Variants in DPH2 observed in about 807,000 individuals in gnomAD.
DPH2 encodes diphthamide biosynthesis 2, also known as 2-(3-amino-3-carboxypropyl)histidine synthase subunit 2.
DPH2 carries 28 observed loss-of-function variants against 42.5 expected under a neutral mutation model. That is an observed-to-expected ratio of 0.66 (90% CI 0.49 to 0.90). DPH2 has a LOEUF of 0.90. Ranked by LOEUF, DPH2 falls within the 40% of genes least tolerant of loss-of-function variation. The pLI, the probability that DPH2 is intolerant of heterozygous loss-of-function variation, is 0.00. For synonymous variants in DPH2, 279 were observed against 264.4 expected, an observed-to-expected ratio of 1.06 and a Z score of -0.53; for missense variants, 576 against 636.0, an observed-to-expected ratio of 0.91 and a Z score of 1.01.
chr1:43,972,641 G>C lies in DPH2; in HGVS notation c.*102G>C. 6.6e-7 allele frequency: 1 copy of C among 1,526,580 alleles called. No individual in the cohort carries two copies. The highest frequency in any genetic ancestry group is 8.9e-7 in the Non-Finnish European group (1 of 1,126,002). 94.6% of individuals were successfully genotyped at this position (1,526,580 alleles called of 1,614,324 possible). A position where few individuals can be genotyped will look rare whatever the true frequency, so the allele number is the denominator to read the frequency against. On this transcript the variant is annotated 3_prime_UTR_variant, in exon 6 of 6. Coordinates refer to ENST00000255108, the MANE Select transcript of DPH2 (RefSeq NM_001384.5). ...CATCCCCCTGCCAAGATCCTTGAAG[G>C]ACCCTGGAAGGAGGGAGAGCAGGCA...
Position 43,971,818 on chromosome 1 carries a change from C to G in DPH2, c.916C>G (p.Leu306Val). ...TGAGGCACTGGCCCACTTGCGGAAC[C>G]TGACTCAGGCTGCTGGCAAGCGTAG... ...HREALAHLRN[L>V]TQAAGKRSYV... The change falls in exon 4 of 6, where the codon CTG (leucine) becomes GTG (valine). Residue 306 changes from leucine to valine, a missense_variant. Around this residue, in one of 3 missense-constraint regions of DPH2, gnomAD observed 395 missense variants for 435.2 expected, o/e 0.91. Coordinates refer to ENST00000255108, the MANE Select transcript of DPH2 (RefSeq NM_001384.5). 6.2e-7 allele frequency: 1 copy of G among 1,612,826 alleles called. No individual in the cohort carries two copies. The highest frequency in any genetic ancestry group is 8.5e-7 in the Non-Finnish European group (1 of 1,180,044).
chr1:43,972,560 A>C lies in DPH2; in HGVS notation c.*21A>C. ...GCTGATACCATGTGGGGCTGGAGAC[A>C]TAGATGGACTTATGAATGGCTGCTA... On this transcript the variant is annotated 3_prime_UTR_variant, in exon 6 of 6. Coordinates refer to ENST00000255108, the MANE Select transcript of DPH2 (RefSeq NM_001384.5). 1 of 1,599,386 alleles carries C rather than the reference A, an allele frequency of 6.3e-7. No homozygotes were observed. Among genetic ancestry groups the C allele is most frequent in the Non-Finnish European group, 8.6e-7 (1 of 1,166,802 alleles).
chr1:43,970,579 A>C lies in DPH2; in HGVS notation c.148-17A>C. On this transcript the variant is annotated splice_polypyrimidine_tract_variant and intron_variant, in intron 1 of 5. Transcript: ENST00000255108. ...TGGGAGAGAGGCTGTCCCTGACTCC[A>C]TGGTTTATGCTTATAGGTTGCCTTG... 6.2e-7 allele frequency: 1 copy of C among 1,613,602 alleles called. No individual in the cohort carries two copies. Among genetic ancestry groups the C allele is most frequent in the Non-Finnish European group, 8.5e-7 (1 of 1,179,552 alleles).
intron 2 of DPH2, 76 bp downstream of exon 2, chr1:43,970,784 C>T (rs1557640236): frequency 9.2e-6 from 13 of 1,420,638 alleles, no homozygotes; most frequent in Non-Finnish European, 1.2e-5. Context: ...ACAGTGATTG[C>T]CTTCAATGGT....
At chr1:43,971,270 AT>A in intron 3 of DPH2, 81 bp downstream of exon 3, 3 of 1,529,744 alleles carry the variant, frequency 2.0e-6, no homozygotes, top group Non-Finnish European at 2.7e-6. Context: ...TATACCATCC[AT>A]AGAACTCTTG....
Position 43,971,619 on chromosome 1 carries a change from G to A in DPH2, c.717G>A (p.Leu239=), listed in dbSNP as rs1452143846. 16 of 1,613,982 alleles carry A rather than the reference G, an allele frequency of 9.9e-6. No homozygotes were observed. Among genetic ancestry groups the A allele is most frequent in the Admixed American group, 1.7e-5 (1 of 60,010 alleles). Residue 239 remains leucine (L), a synonymous_variant, in exon 4 of 6, where the codon TTG becomes TTA. Coordinates refer to ENST00000255108, the MANE Select transcript of DPH2 (RefSeq NM_001384.5). ...DLDPDLSRLL[L]GWAPGQPFSS... The stretch of plus-strand genomic sequence containing the variant: ...ACCCAGACCTGAGTCGGCTGCTCTT[G>A]GGGTGGGCACCAGGTCAACCCTTCT...
rs1427824903 is a variant in DPH2, at chr1:43,972,840, G to C, written c.*301G>C. 8.8e-6 allele frequency: 3 copies of C among 341,614 alleles called. No individual in the cohort carries two copies. The highest frequency in any genetic ancestry group is 2.1e-5 in the African/African-American group (1 of 47,276). 21.2% of individuals were successfully genotyped at this position (341,614 alleles called of 1,614,324 possible). A position where few individuals can be genotyped will look rare whatever the true frequency, so the allele number is the denominator to read the frequency against. ...AGCCCAGGACCTTTGGCCAATCCCA[G>C]TTCCCAGGCTGCAGTTGAGGGTCTG... On this transcript the variant is annotated 3_prime_UTR_variant, in exon 6 of 6. Transcript: ENST00000255108.
intron 2 of DPH2, 56 bp from the exon 3 acceptor site, chr1:43,970,910 G>A (rs1389259836): frequency 1.3e-6 from 2 of 1,525,572 alleles, no homozygotes; most frequent in South Asian, 2.4e-5. Context: ...TCCCAGTGAT[G>A]ACAGCAACTC....
chr1:43,971,602 C>A lies in DPH2; in HGVS notation c.700C>A (p.Leu234Met), dbSNP rs1238523014. ...ASPDPDLDPDLSRLLLGWAPG... is the reference protein window; with the variant it reads ...ASPDPDLDPDMSRLLLGWAPG... ...CCCTGACCCAGACCTTGACCCAGAC[C>A]TGAGTCGGCTGCTCTTGGGGTGGGC... Residue 234 changes from leucine to methionine, a missense_variant, in exon 4 of 6, where the codon CTG becomes ATG. Leu to Met is a conservative substitution (Grantham distance 15). Transcript: ENST00000255108. 1 of 1,613,888 alleles carries A rather than the reference C, an allele frequency of 6.2e-7. No homozygotes were observed. The highest frequency in any genetic ancestry group is 8.5e-7 in the Non-Finnish European group (1 of 1,179,856).
At position 43,971,877 on chromosome 1, in the gene DPH2, C is replaced by G; in HGVS notation, c.975C>G (p.Ala325=). 7 of 1,614,210 alleles carry G rather than the reference C, an allele frequency of 4.3e-6. No homozygotes were observed. The highest frequency in any genetic ancestry group is 5.9e-6 in the Non-Finnish European group (7 of 1,180,040). ...YVLALGRPTP[A]KLANFPEVDV... Reference sequence around the variant, plus strand: ...TGGCCCTGGGGCGGCCCACCCCTGCCAAGCTTGCCAACTTCCCTGAGGTGG... The same window carrying G: ...TGGCCCTGGGGCGGCCCACCCCTGCGAAGCTTGCCAACTTCCCTGAGGTGG... The change falls in exon 4 of 6, where the codon GCC becomes GCG. Residue 325 remains alanine, a synonymous_variant. Transcript: ENST00000255108.
rs2085470959 is a variant in DPH2 at position 43,973,127 on chromosome 1, C to T, written c.*588C>T. The T allele has an allele frequency of 6.6e-6, 1 of 152,420 alleles. No individual in the cohort carries two copies. Among genetic ancestry groups the T allele is most frequent in the Non-Finnish European group, 1.5e-5 (1 of 68,198 alleles). 9.4% of individuals were successfully genotyped at this position (152,420 alleles called of 1,614,324 possible). ...AACCACTGGTCTAGCTAGACCTGCA[C>T]TGTCCAGTACAGTAGCCACTAAATA... On this transcript the variant is annotated 3_prime_UTR_variant, in exon 6 of 6. Transcript: ENST00000255108.
In DPH2 at chr1:43,972,224, T is replaced by C. The variant is rs780620085; in HGVS notation, c.1235T>C (p.Leu412Pro). 3 of 1,614,148 alleles carry C rather than the reference T, an allele frequency of 1.9e-6. No homozygotes were observed. Among genetic ancestry groups the C allele is most frequent in the Non-Finnish European group, 2.5e-6 (3 of 1,180,024 alleles). ...SELWETPDVSLITGDLRPPPA... is the reference protein window; with the variant it reads ...SELWETPDVSPITGDLRPPPA... ...CTGTGGGAAACCCCAGACGTGTCAC[T>C]CATTACTGGAGATCTCCGACCCCCA... is the stretch of plus-strand genomic sequence containing the variant. Residue 412 changes from leucine to proline, a missense_variant, in exon 5 of 6, where the codon CTC (leucine) becomes CCC (proline). This residue lies in a region of DPH2 where 178 missense variants were observed against 184.4 expected (regional missense o/e 0.97). Transcript: ENST00000255108.
In DPH2 at chr1:43,972,112, C is replaced by T. The variant is rs750246858; in HGVS notation, c.1168+42C>T. The T allele has an allele frequency of 1.4e-5, 22 of 1,608,762 alleles. No individual in the cohort carries two copies. In the South Asian group the frequency reaches 1.4e-4, roughly 10 times the overall value. ...TTGCCTAAGCTGGAAACCTGGGGCA[C>T]GGAGTCAGGGGGTGAGTATGGATTT... On this transcript the variant is annotated intron_variant, in intron 4 of 5. Coordinates refer to ENST00000255108, the MANE Select transcript of DPH2 (RefSeq NM_001384.5).
intron 2 of DPH2, 122 bp from the exon 3 acceptor site, chr1:43,970,844 T>A (rs186465478): frequency 1.5e-4 from 190 of 1,302,894 alleles, no homozygotes; most frequent in Non-Finnish European, 8.8e-6. Flanking sequence ...TGATGCTAGC[T>A]CCTTTCATTG....
Position 43,971,996 on chromosome 1 carries a change from A to G in DPH2, c.1094A>G (p.Glu365Gly). ...FQPILAPCEL[E>G]AACNPAWPPP... Reference sequence around the variant, plus strand: ...CCTATACTGGCACCATGTGAGCTGGAAGCTGCCTGCAACCCTGCCTGGCCA... The same window carrying G: ...CCTATACTGGCACCATGTGAGCTGGGAGCTGCCTGCAACCCTGCCTGGCCA... The change falls in exon 4 of 6, where the codon GAA becomes GGA. Residue 365 changes from glutamate (E) to glycine (G), a missense_variant. Glu to Gly is a moderately conservative substitution (Grantham distance 98). Coordinates refer to ENST00000255108, the MANE Select transcript of DPH2 (RefSeq NM_001384.5). 1 of 1,614,168 alleles carries G rather than the reference A, an allele frequency of 6.2e-7. No homozygotes were observed. The highest frequency in any genetic ancestry group is 8.5e-7 in the Non-Finnish European group (1 of 1,180,032).
chr1:43,972,714 C>A lies in DPH2; in HGVS notation c.*175C>A. On this transcript the variant is annotated 3_prime_UTR_variant, in exon 6 of 6. Coordinates refer to ENST00000255108, the MANE Select transcript of DPH2 (RefSeq NM_001384.5). ...TCTCTGTCCTGTCCTGGCACTGGCACAAGCTCAGCACATGCCCAGTAATGC... is the reference window on the plus strand; with the variant it reads ...TCTCTGTCCTGTCCTGGCACTGGCAAAAGCTCAGCACATGCCCAGTAATGC... 2 of 860,660 alleles carry A rather than the reference C, an allele frequency of 2.3e-6. No homozygotes were observed. Among genetic ancestry groups the A allele is most frequent in the Non-Finnish European group, 1.8e-6 (1 of 567,920 alleles). The allele number at this position is 860,660 out of a possible 1,614,324, so 53.3% of individuals were successfully genotyped here.
Position 43,971,116 on chromosome 1 carries a change from C to G in DPH2, c.411C>G (p.Ala137=). The change falls in exon 3 of 6, where the codon GCC becomes GCG. Residue 137 remains alanine, a synonymous_variant. Coordinates refer to ENST00000255108, the MANE Select transcript of DPH2 (RefSeq NM_001384.5). The part of the protein sequence containing the change: ...RSVALELCVK[A]FEAQNPDPKA... ...TGGCCTTGGAGCTCTGTGTCAAGGC[C>G]TTTGAGGCCCAGAACCCAGACCCCA... is the stretch of plus-strand genomic sequence containing the variant. 1 of 1,558,632 alleles carries G rather than the reference C, an allele frequency of 6.4e-7. No homozygotes were observed. Among genetic ancestry groups the G allele is most frequent in the Non-Finnish European group, 8.7e-7 (1 of 1,150,230 alleles).
chr1:43,970,478 A>G, intron 1 of DPH2, 118 bp from the exon 2 acceptor site: 1 of 1,508,762 alleles, frequency 6.6e-7, no homozygotes, highest in Non-Finnish European at 9.1e-7. Context: ...TACGTGGGGC[A>G]GAGTGCCCCT....
chr1:43,972,008 A>G lies in DPH2; in HGVS notation c.1106A>G (p.Asn369Ser), dbSNP rs1557642683. 1 of 1,614,094 alleles carries G rather than the reference A, an allele frequency of 6.2e-7. No individual in the cohort carries two copies. ...CCATGTGAGCTGGAAGCTGCCTGCA[A>G]CCCTGCCTGGCCACCTCCAGGCCTG... is the stretch of plus-strand genomic sequence containing the variant. ...LAPCELEAAC[N>S]PAWPPPGLAP... The change falls in exon 4 of 6, where the codon AAC becomes AGC. Residue 369 changes from asparagine to serine, a missense_variant. Transcript: ENST00000255108.
Sources: gnomAD v4.1 joint callset for allele counts on GRCh38, gnomAD v4.1.1 for gene constraint, gnomAD v4.1.1 regional missense constraint, MANE v1.5 for transcripts, NCBI Gene and HGNC (gene_info 2026-07-23, HGNC 2026-07-21) for gene names.